Variants in ATP10B observed in about 807,000 individuals in gnomAD.
ATP10B encodes ATPase phospholipid transporting 10B (putative).
In ATP10B, 122 loss-of-function variants were observed where a neutral mutation model predicts 141.2. The ratio of observed to expected loss-of-function variants is 0.86; its 90% CI spans 0.75 to 1.00. ATP10B has a LOEUF of 1.00. Among genes scored for constraint, ATP10B ranks in the 50% least tolerant of loss-of-function variants. The probability of loss-of-function intolerance (pLI) is 0.00; values close to 1 mark genes in which losing one functional copy is unlikely to be tolerated. For missense variants in ATP10B, 1,876 were observed against 1,825.3 expected (o/e 1.03, Z -0.51); for synonymous variants, 685 against 692.0 (o/e 0.99, Z 0.16).
chr5:160,731,605 C>G (rs1238772057), intron 2 of ATP10B, among the ~76,000 whole-genome samples: 1 of 152,120 alleles, frequency 6.6e-6, no homozygotes. Flanking sequence ...TGGTTTTGGC[C>G]TGGGTGCCAG....
At chr5:160,740,644 A>G (rs1004543710) in intron 2 of ATP10B, among the ~76,000 whole-genome samples, 6 of 152,156 alleles carry the variant, frequency 3.9e-5, no homozygotes, top group Non-Finnish European at 5.9e-5. Context: ...CTTGTTTTCT[A>G]TAATCAGATC....
intron 1 of ATP10B, among the ~76,000 whole-genome samples, chr5:160,800,244 C>T (rs940788173): frequency 4.6e-5 from 7 of 152,200 alleles, no homozygotes; most frequent in African/African-American, 1.7e-4. Context: ...AGTAGCTAAA[C>T]AACTTCGATT....
chr5:160,640,558 G>A lies in ATP10B; in HGVS notation c.903C>T (p.Gly301=), dbSNP rs1759767949. 6.2e-7 allele frequency: 1 copy of A among 1,613,990 alleles called. No homozygotes were observed. Among genetic ancestry groups the A allele is most frequent in the African/African-American group, 1.3e-5 (1 of 74,918 alleles). ...HETKAMLNNS[G]PRYKRSKIER... is the part of the protein sequence containing the mutation. ...CAATCTTGCTGCGTTTGTACCGGGGGCCACTGTTGTTCAGCATGGCTTTCG... is the reference window on the plus strand; with the variant it reads ...CAATCTTGCTGCGTTTGTACCGGGGACCACTGTTGTTCAGCATGGCTTTCG... The change falls in exon 10 of 26, where the codon GGC becomes GGT. Residue 301 remains glycine (G), a synonymous_variant. Coordinates refer to ENST00000327245, the MANE Select transcript of ATP10B (RefSeq NM_025153.3).
At chr5:160,918,065 G>C in the ATP10B span, among the ~76,000 whole-genome samples, 1 of 152,288 alleles carries the variant, frequency 6.6e-6, no homozygotes, top group Admixed American at 6.5e-5. Context: ...TTCTCATTCT[G>C]TCTACTCTCC....
chr5:160,642,636 C>G (rs1254760036), intron 9 of ATP10B, among the ~76,000 whole-genome samples: 1 of 152,172 alleles, frequency 6.6e-6, no homozygotes, highest in Non-Finnish European at 1.5e-5. Context: ...TCAATGGTGC[C>G]AAAGGTGAGA....
chr5:160,574,032 C>T (rs920192132), intron 24 of ATP10B, among the ~76,000 whole-genome samples: 2 of 152,188 alleles, frequency 1.3e-5, no homozygotes, highest in African/African-American at 4.8e-5. Context: ...TTTCAAATAA[C>T]TCTTCAGAGT....
chr5:160,595,719 G>A (rs368825222), intron 22 of ATP10B, among the ~76,000 whole-genome samples: 2,482 of 152,042 alleles, frequency 0.016, 37 homozygotes, highest in Middle Eastern at 0.078. Flanking sequence ...TATCACCACC[G>A]ATCCCACAGA....
chr5:160,709,537 T>C (rs926060259), intron 3 of ATP10B, among the ~76,000 whole-genome samples: 15 of 152,120 alleles, frequency 9.9e-5, no homozygotes, highest in Middle Eastern at 3.4e-3. Flanking sequence ...AAATGAGAAG[T>C]CTAATTAAAG....
intron 22 of ATP10B, among the ~76,000 whole-genome samples, chr5:160,596,791 C>T (rs951153750): frequency 6.6e-6 from 1 of 152,162 alleles, no homozygotes; most frequent in Non-Finnish European, 1.5e-5. Context: ...CTCCCACTCA[C>T]AATTGCTTCA....
intron 7 of ATP10B, among the ~76,000 whole-genome samples, chr5:160,650,863 A>G (rs949754714): frequency 3.3e-5 from 5 of 152,042 alleles, no homozygotes; most frequent in Non-Finnish European, 7.4e-5. Flanking sequence ...TTCCTCCCCA[A>G]TTCATCTGCA....
intron 1 of ATP10B, among the ~76,000 whole-genome samples, chr5:160,809,651 C>A (rs941367241): frequency 2.6e-5 from 4 of 152,126 alleles, no homozygotes; most frequent in Admixed American, 6.5e-5. Context: ...TCCTGTCTAG[C>A]TGTAATTTAG....
At chr5:160,861,270 A>C in the ATP10B span, among the ~76,000 whole-genome samples, 1 of 151,822 alleles carries the variant, frequency 6.6e-6, no homozygotes, top group Non-Finnish European at 1.5e-5. Flanking sequence ...ACACACTAGA[A>C]TAGAGAACTA....
chr5:160,808,158 T>C (rs191801755), intron 1 of ATP10B, among the ~76,000 whole-genome samples: 1 of 152,254 alleles, frequency 6.6e-6, no homozygotes, highest in Admixed American at 6.5e-5. Context: ...AGTGGAGAAG[T>C]TTAAATATGG....
chr5:160,850,388 C>T (rs1338625050), intron 1 of ATP10B, among the ~76,000 whole-genome samples: 2 of 152,222 alleles, frequency 1.3e-5, no homozygotes, highest in Admixed American at 6.5e-5. Flanking sequence ...TGCGCCACTG[C>T]ACGCCAGCCT....
the ATP10B span, among the ~76,000 whole-genome samples, chr5:160,874,178 C>A: frequency 3.3e-5 from 5 of 152,264 alleles, no homozygotes; most frequent in African/African-American, 7.2e-5. Context: ...CAGCACGCAG[C>A]TGGAGATCTG....
At chr5:160,615,791 C>A (rs1413038513) in intron 17 of ATP10B, 47 bp downstream of exon 17, 1 of 1,592,702 alleles carries the variant, frequency 6.3e-7, no homozygotes, top group East Asian at 2.3e-5. Flanking sequence ...CCCTTCTCAA[C>A]TGGCTGCATT....
chr5:160,634,132 T>G, intron 12 of ATP10B: 1 of 711,330 alleles, frequency 1.4e-6, no homozygotes, highest in Non-Finnish European at 2.5e-6. Context: ...GGGAACCACA[T>G]ATGGGATAAC....
At chr5:160,808,168 G>T (rs1467740305) in intron 1 of ATP10B, among the ~76,000 whole-genome samples, 1 of 152,132 alleles carries the variant, frequency 6.6e-6, no homozygotes, top group African/African-American at 2.4e-5. Flanking sequence ...TTTAAATATG[G>T]ACTGAATATT....
At chr5:160,785,439 G>A (rs1404590762) in intron 2 of ATP10B, 120 bp downstream of exon 2, 1 of 336,764 alleles carries the variant, frequency 3.0e-6, no homozygotes, top group Non-Finnish European at 5.7e-6. Context: ...GTTCTGTTTT[G>A]TTTTGTTTTT....
Sources: gnomAD v4.1 joint callset for allele counts (sites outside exome capture counted in the v4.1 genomes callset) on GRCh38, gnomAD v4.1.1 for gene constraint, MANE v1.5 for transcripts, NCBI Gene and HGNC (gene_info 2026-07-23, HGNC 2026-07-21) for gene names.